The following ABL1 variants were observed in gnomAD, a reference collection of about 807,000 sequenced individuals.
ABL1 encodes tyrosine-protein kinase ABL1.
ABL1 carries 11 observed loss-of-function variants against 94.7 expected under a neutral mutation model. The ratio of observed to expected loss-of-function variants is 0.12; its 90% CI spans 0.07 to 0.19. The LOEUF (loss-of-function observed/expected upper bound fraction) is 0.19, where lower values mean the gene tolerates loss of function less well. Ranked by LOEUF, ABL1 falls within the 10% of genes least tolerant of loss-of-function variation. The probability of loss-of-function intolerance (pLI) is 1.00; values close to 1 mark genes in which losing one functional copy is unlikely to be tolerated. For missense variants in ABL1, 1,082 were observed against 1,489.4 expected, an observed-to-expected ratio of 0.73 and a Z score of 4.50; for synonymous variants, 656 against 622.4, an observed-to-expected ratio of 1.05 and a Z score of -0.80.
intron 1 of ABL1, among the ~76,000 whole-genome samples, chr9:130,853,057 T>G (rs1830900582): frequency 6.6e-6 from 1 of 152,018 alleles, no homozygotes; most frequent in Admixed American, 6.6e-5. Flanking sequence ...TAGCTGGTAC[T>G]TAGAGAGGTG....
chr9:130,714,195 A>G, exon 1 of ABL1: 1 of 957,256 alleles, frequency 1.0e-6, no homozygotes, highest in Non-Finnish European at 1.4e-6. Context: ...GATTGACTTC[A>G]ATTGCTGACT....
At position 130,735,955 on chromosome 9, in the gene ABL1, A is replaced by T. The variant is rs570562667; in HGVS notation, c.136+21500A>T. Among the ~76,000 whole-genome samples the T allele has an allele frequency of 3.2e-3, 134 of 41,466 alleles. 3 individuals carry two copies. The Middle Eastern group carries it at 0.043, about 13-fold the overall frequency. The allele number at this position is 41,466 out of a possible 152,430, so 27.2% of individuals were successfully genotyped here. ...TGTGCATATATATATATATATATATATATATATTTTTTTTTTTTAAGACAG... is the reference window on the plus strand; with the variant it reads ...TGTGCATATATATATATATATATATTTATATATTTTTTTTTTTTAAGACAG... On this transcript the variant is annotated intron_variant, in intron 1 of 10. Coordinates refer to the ABL1 transcript ENST00000372348.
At chr9:130,839,469 TG>T (rs1830636464) in intron 1 of ABL1, among the ~76,000 whole-genome samples, 1 of 152,238 alleles carries the variant, frequency 6.6e-6, no homozygotes, top group African/African-American at 2.4e-5. Context: ...CATTTCATTT[TG>T]GGTGCTATTA....
intron 1 of ABL1, among the ~76,000 whole-genome samples, chr9:130,813,237 C>T (rs1830234668): frequency 6.6e-6 from 1 of 150,686 alleles, no homozygotes; most frequent in Non-Finnish European, 1.5e-5. Flanking sequence ...ACAAAAGCCT[C>T]AGTGAATGTA....
At chr9:130,754,507 C>CAAA (rs34396002) in intron 1 of ABL1, among the ~76,000 whole-genome samples, 19,015 of 78,534 alleles carry the variant, frequency 0.24, 2,560 homozygotes, top group East Asian at 0.49. Flanking sequence ...GACTCCGTCT[C>CAAA]AAAAAAAAAA....
At chr9:130,830,709 T>C (rs1265970758), upstream of ABL1, among the ~76,000 whole-genome samples, 2 of 152,202 alleles carry the variant, frequency 1.3e-5, no homozygotes, top group African/African-American at 2.4e-5. Context: ...CTACTGTTTA[T>C]CGAGCACCTT....
rs530627995 is a variant in ABL1, at chr9:130,804,259, T to C, written c.137-49805T>C. ...CTGTAGTACCAGCTACCTGGGAGCC[T>C]GAGGCAGAAAAACGGCGTGAACCCA... On this transcript the variant is annotated intron_variant, in intron 1 of 10. Transcript: ENST00000372348. 2.2e-4 allele frequency among the ~76,000 whole-genome samples: 33 copies of C among 151,618 alleles called. No individual in the cohort carries two copies. In the South Asian group the frequency reaches 4.6e-3, roughly 21 times the overall value.
At position 130,724,084 on chromosome 9, in the gene ABL1, A is replaced by G. The variant is rs149089930; in HGVS notation, c.136+9629A>G. Among the ~76,000 whole-genome samples, 654 of 152,278 alleles carry G rather than the reference A, an allele frequency of 4.3e-3. 2 individuals are homozygous for G. Among genetic ancestry groups the G allele is most frequent in the African/African-American group, 0.014 (598 of 41,568 alleles). ...CTTGGCCTTCCAAAGTGCTGGGATT[A>G]CAGGCGTGAGCCACCATGCGTGGCC... On this transcript the variant is annotated intron_variant, in intron 1 of 10. Transcript: ENST00000372348.
intron 1 of ABL1, among the ~76,000 whole-genome samples, chr9:130,718,671 A>T (rs551958095): frequency 1.4e-4 from 22 of 152,266 alleles, no homozygotes; most frequent in African/African-American, 5.3e-4. Flanking sequence ...GCTTGAGCCC[A>T]GGAGTTCAAG....
intron 1 of ABL1, among the ~76,000 whole-genome samples, chr9:130,745,080 CTTTTT>C (rs767607633): frequency 1.5e-5 from 2 of 131,370 alleles, no homozygotes. Context: ...TCCTGGGAAC[CTTTTT>C]TTTTTTTTTT....
intron 1 of ABL1, among the ~76,000 whole-genome samples, chr9:130,731,657 C>T (rs1831668423): frequency 6.6e-6 from 1 of 152,168 alleles, no homozygotes; most frequent in African/African-American, 2.4e-5. Context: ...CAATGTATTA[C>T]TGTAGCTTTA....
intron 1 of ABL1, among the ~76,000 whole-genome samples, chr9:130,798,413 G>T (rs942921423): frequency 1.3e-5 from 2 of 152,218 alleles, no homozygotes; most frequent in African/African-American, 4.8e-5. Flanking sequence ...AGTATCGCTT[G>T]CAGTGGAGTC....
chr9:130,733,200 G>C (rs550269995), intron 1 of ABL1, among the ~76,000 whole-genome samples: 1 of 152,230 alleles, frequency 6.6e-6, no homozygotes, highest in African/African-American at 2.4e-5. Flanking sequence ...ACCTTCACTT[G>C]AACAGAATTG....
At chr9:130,847,609 G>C (rs555391369) in intron 1 of ABL1, among the ~76,000 whole-genome samples, 1 of 152,192 alleles carries the variant, frequency 6.6e-6, no homozygotes, top group African/African-American at 2.4e-5. Flanking sequence ...ATTGGGAATT[G>C]ACTGGAAGGT....
intron 1 of ABL1, among the ~76,000 whole-genome samples, chr9:130,767,891 AT>A (rs1441762439): frequency 3.3e-5 from 5 of 152,352 alleles, no homozygotes; most frequent in African/African-American, 1.2e-4. Flanking sequence ...AATCATCAAG[AT>A]TTAGACTGGT....
At chr9:130,714,956 G>C (rs949811923) in intron 1 of ABL1, among the ~76,000 whole-genome samples, 1 of 152,194 alleles carries the variant, frequency 6.6e-6, no homozygotes, top group Admixed American at 6.5e-5. Context: ...TCGTAAGTAG[G>C]ACTTGAAAAT....
At chr9:130,836,106 C>A (rs1257820784) in intron 1 of ABL1, among the ~76,000 whole-genome samples, 1 of 152,236 alleles carries the variant, frequency 6.6e-6, no homozygotes, top group Non-Finnish European at 1.5e-5. Context: ...ATCTCCCCCA[C>A]CCCCATCTTA....
At chr9:130,833,885 G>A, upstream of ABL1, 1 of 396,870 alleles carries the variant, frequency 2.5e-6, no homozygotes, top group Non-Finnish European at 5.2e-6. Context: ...AGTAGCCAGG[G>A]TCTCATAACC....
Position 130,739,281 on chromosome 9 carries a change from A to G in ABL1, c.136+24826A>G, listed in dbSNP as rs1831784822. On this transcript the variant is annotated intron_variant, in intron 1 of 10. Coordinates refer to the ABL1 transcript ENST00000372348. The stretch of plus-strand genomic sequence containing the variant: ...AGCTCTGTGTTACCTTGAGTGAGAC[A>G]TGATGTGATGTTTAGTTCGTAGCAT... 2.0e-5 allele frequency among the ~76,000 whole-genome samples: 3 copies of G among 152,068 alleles called. No homozygotes were observed. In the South Asian group the frequency reaches 6.2e-4, roughly 32 times the overall value.
Sources: gnomAD v4.1 joint callset for allele counts (sites outside exome capture counted in the v4.1 genomes callset) on GRCh38, gnomAD v4.1.1 for gene constraint, MANE v1.5 for transcripts, NCBI Gene and HGNC (gene_info 2026-07-23, HGNC 2026-07-21) for gene names.